DDI2: variants seen among roughly 807,000 people sequenced by gnomAD.
DDI2 encodes DDI proteasomal shuttling factor 2, also known as protein DDI1 homolog 2.
DDI2 carries 5 observed loss-of-function variants against 48.1 expected under a neutral mutation model. The observed-to-expected ratio is 0.10, with a 90% CI of 0.05 to 0.22. The LOEUF is 0.22. DDI2 is among the 10% of genes least tolerant of loss of function. The pLI is 1.00. For missense variants in DDI2, 285 were observed against 506.2 expected, an observed-to-expected ratio of 0.56 and a Z score of 4.19; for synonymous variants, 205 against 183.6, an observed-to-expected ratio of 1.12 and a Z score of -0.94.
chr1:15,637,620 G>T (rs1639949059), intron 4 of DDI2, among the ~76,000 whole-genome samples: 1 of 152,190 alleles, frequency 6.6e-6, no homozygotes, highest in South Asian at 2.1e-4. Flanking sequence ...CACCCGCCTT[G>T]GCCTCCCAAA....
chr1:15,635,515 C>T (rs949562093), intron 4 of DDI2, among the ~76,000 whole-genome samples: 3 of 152,180 alleles, frequency 2.0e-5, no homozygotes, highest in African/African-American at 7.2e-5. Context: ...AAGCGATTCT[C>T]CTGCCTCAGC....
chr1:15,651,904 G>T lies in DDI2; in HGVS notation c.1183+9G>T. 6.2e-7 allele frequency: 1 copy of T among 1,612,228 alleles called. No individual in the cohort carries two copies. The highest frequency in any genetic ancestry group is 8.5e-7 in the Non-Finnish European group (1 of 1,179,040). ...ATCAGCAGAGGATGCAGGTATTTGG[G>T]ATGGCCAAACTCTTCAATACTTGTT... On this transcript the variant is annotated intron_variant, in intron 8 of 9. Coordinates refer to ENST00000480945, the MANE Select transcript of DDI2 (RefSeq NM_032341.5).
Position 15,660,890 on chromosome 1 carries a change from C to T in DDI2, c.*1100C>T, listed in dbSNP as rs780469308. On this transcript the variant is annotated 3_prime_UTR_variant, in exon 10 of 10. Transcript: ENST00000480945. The stretch of plus-strand genomic sequence containing the variant: ...AGTCTCTGTGGCAGTTGTCAGCCTT[C>T]TGTGGAGTCAGCAGAAGAATCTTGC... 1 of 1,614,104 alleles carries T rather than the reference C, an allele frequency of 6.2e-7. No individual in the cohort carries two copies. Among genetic ancestry groups the T allele is most frequent in the South Asian group, 1.1e-5 (1 of 91,062 alleles).
At chr1:15,618,704 A>G (rs536750520) in intron 1 of DDI2, among the ~76,000 whole-genome samples, 2 of 152,354 alleles carry the variant, frequency 1.3e-5, no homozygotes, top group East Asian at 3.9e-4. Context: ...CCTAGTCTTT[A>G]TCAAACAGAA....
intron 5 of DDI2, among the ~76,000 whole-genome samples, chr1:15,641,226 C>T (rs1012336617): frequency 2.6e-5 from 4 of 152,008 alleles, no homozygotes; most frequent in Admixed American, 1.3e-4. Context: ...AATCCCAGCA[C>T]GTTGGGAGGC....
In DDI2 at chr1:15,626,753, C is replaced by T; in HGVS notation, c.223C>T (p.Arg75Ter). The T allele has an allele frequency of 6.2e-7, 1 of 1,614,148 alleles. No individual in the cohort carries two copies. The highest frequency in any genetic ancestry group is 2.2e-5 in the East Asian group (1 of 44,892). Residue 75 changes from arginine (R) to a stop codon, truncating the protein, a stop_gained, in exon 2 of 10, where the codon CGA becomes TGA. Coordinates refer to ENST00000480945, the MANE Select transcript of DDI2 (RefSeq NM_032341.5). LOFTEE classifies it high-confidence loss of function. ...GAAAGATGGGGACGTTGTGATTTTA[C>T]GACAGAAGGAGAATGCAGACCCTCG... Reference protein sequence around the residue: ...GLKDGDVVILRQKENADPRPP... With the variant: ...GLKDGDVVIL
intron 4 of DDI2, among the ~76,000 whole-genome samples, chr1:15,635,509 G>A (rs918944427): frequency 1.3e-5 from 2 of 152,078 alleles, no homozygotes; most frequent in East Asian, 1.9e-4. Context: ...AAGTTCAAGC[G>A]ATTCTCCTGC....
At chr1:15,637,609 C>G (rs1315521576) in intron 4 of DDI2, among the ~76,000 whole-genome samples, 1 of 152,222 alleles carries the variant, frequency 6.6e-6, no homozygotes, top group Non-Finnish European at 1.5e-5. Flanking sequence ...CTCCGGTGAT[C>G]CACCCGCCTT....
At chr1:15,621,215 TTTAAA>T (rs1430769345) in intron 1 of DDI2, among the ~76,000 whole-genome samples, 4 of 152,178 alleles carry the variant, frequency 2.6e-5, no homozygotes, top group African/African-American at 4.8e-5. Flanking sequence ...TTAGCTTCAC[TTTAAA>T]TTAATGTCTT....
At chr1:15,655,917 C>T (rs1640265221) in intron 8 of DDI2, among the ~76,000 whole-genome samples, 1 of 151,846 alleles carries the variant, frequency 6.6e-6, no homozygotes, top group Non-Finnish European at 1.5e-5. Context: ...CAGTGAGACA[C>T]TGTCTCAAAA....
chr1:15,651,206 C>G (rs901624245), intron 7 of DDI2, among the ~76,000 whole-genome samples: 3 of 152,102 alleles, frequency 2.0e-5, no homozygotes, highest in African/African-American at 7.2e-5. Flanking sequence ...TCAATAAAAC[C>G]TTGTCACTGC....
At chr1:15,634,583 A>T (rs1243740392) in intron 4 of DDI2, among the ~76,000 whole-genome samples, 3 of 118,722 alleles carry the variant, frequency 2.5e-5, no homozygotes, top group African/African-American at 1.1e-4. Flanking sequence ...CCCAGGCTAG[A>T]GTGCAGTGGC....
chr1:15,623,062 A>G (rs1286485398), intron 1 of DDI2, among the ~76,000 whole-genome samples: 1 of 152,204 alleles, frequency 6.6e-6, no homozygotes, highest in East Asian at 1.9e-4. Context: ...CTTCCTTTAA[A>G]AAATGCTATT....
intron 6 of DDI2, 132 bp downstream of exon 6, chr1:15,643,782 A>G (rs1167018218): frequency 4.6e-6 from 6 of 1,301,268 alleles, no homozygotes; most frequent in African/African-American, 3.0e-5. Context: ...TTGTGTGGGT[A>G]TGTCTGAGCT....
rs113281335 is a variant in DDI2 at position 15,639,883 on chromosome 1, C to G, written c.760+1449C>G. 1.3e-3 allele frequency among the ~76,000 whole-genome samples: 197 copies of G among 152,164 alleles called. 1 individual carries two copies. The highest frequency in any genetic ancestry group is 4.6e-3 in the African/African-American group (189 of 41,488). On this transcript the variant is annotated intron_variant, in intron 5 of 9. Coordinates refer to ENST00000480945, the MANE Select transcript of DDI2 (RefSeq NM_032341.5). ...ATTAGCCGGGTGTGGTGGTGCGTAC[C>G]TATAGTCCCAGCTACGGGGGAGGCT...
chr1:15,617,766 G>C lies in DDI2; in HGVS notation c.96G>C (p.Ala32=), dbSNP rs759177230. 2 of 1,608,702 alleles carry C rather than the reference G, an allele frequency of 1.2e-6. No individual in the cohort carries two copies. Among genetic ancestry groups the C allele is most frequent in the South Asian group, 1.1e-5 (1 of 90,586 alleles). Reference sequence around the variant, plus strand: ...ACTTCGAGCTGCACAACTTCCGCGCGCTGTGCGAGCTCGAGTCTGGCATCC... The same window carrying C: ...ACTTCGAGCTGCACAACTTCCGCGCCCTGTGCGAGCTCGAGTCTGGCATCC... ...DADFELHNFR[A]LCELESGIPA... The change falls in exon 1 of 10, where the codon GCG becomes GCC. Residue 32 remains alanine, a synonymous_variant. Coordinates refer to ENST00000480945, the MANE Select transcript of DDI2 (RefSeq NM_032341.5).
intron 2 of DDI2, among the ~76,000 whole-genome samples, chr1:15,629,697 T>A (rs190864583): frequency 6.6e-6 from 1 of 152,014 alleles, no homozygotes; most frequent in African/African-American, 2.4e-5. Flanking sequence ...TCCAGACTTA[T>A]GCAATTATAT....
chr1:15,633,073 C>T (rs1415893522), intron 3 of DDI2, among the ~76,000 whole-genome samples: 1 of 151,746 alleles, frequency 6.6e-6, no homozygotes, highest in Non-Finnish European at 1.5e-5. Context: ...GGACTACAGG[C>T]ATGCACCACC....
At chr1:15,659,708 T>A (rs535707575) in intron 9 of DDI2, 129 bp from the exon 10 acceptor site, 120 of 847,182 alleles carry the variant, frequency 1.4e-4, no homozygotes, top group Non-Finnish European at 5.1e-5. Flanking sequence ...CATTTCTATT[T>A]GTGTAAGAGA....
Sources: allele counts gnomAD v4.1 joint callset (sites outside exome capture counted in the v4.1 genomes callset), GRCh38; gene constraint gnomAD v4.1.1; transcripts MANE v1.5; gene names NCBI Gene and HGNC (gene_info 2026-07-23, HGNC 2026-07-21).